HIVEP3: variants seen among roughly 807,000 people sequenced by gnomAD.
HIVEP3 encodes HIVEP zinc finger 3.
In HIVEP3, 49 loss-of-function variants were observed where a neutral mutation model predicts 152.8. The observed-to-expected ratio is 0.32, with a 90% CI of 0.26 to 0.41. The LOEUF is 0.41. Ranked by LOEUF, HIVEP3 falls within the 10% of genes least tolerant of loss-of-function variation. The pLI is 1.00. For missense variants in HIVEP3, 2,790 were observed against 3,103.3 expected (o/e 0.90, Z 2.40); for synonymous variants, 1,269 against 1,289.0 (o/e 0.98, Z 0.33).
At chr1:41,841,082 CTG>C (rs1244929170) in intron 1 of HIVEP3, among the ~76,000 whole-genome samples, 1 of 152,172 alleles carries the variant, frequency 6.6e-6, no homozygotes, top group African/African-American at 2.4e-5. Context: ...CAGTTAATGA[CTG>C]TAGCCTGGAG....
chr1:41,774,163 G>A (rs1259260333), intron 1 of HIVEP3, among the ~76,000 whole-genome samples: 1 of 152,222 alleles, frequency 6.6e-6, no homozygotes, highest in Non-Finnish European at 1.5e-5. Flanking sequence ...TCCTGCACCT[G>A]CCTCTGCAAC....
At position 41,513,098 on chromosome 1, in the gene HIVEP3, C is replaced by T. The variant is rs761114987; in HGVS notation, c.6123G>A (p.Leu2041=). 2.5e-6 allele frequency: 4 copies of T among 1,613,892 alleles called. No homozygotes were observed. In the Admixed American group the frequency reaches 6.7e-5, roughly 27 times the overall value. The change falls in exon 8 of 9, where the codon CTG becomes CTA. Residue 2041 remains leucine (L), a synonymous_variant. Transcript: ENST00000372583. ...GTGCTCGAGGGGCCAGTTCTCTTCC[C>T]AGGGGGCAGAGGGTGAGAGGAGACA... ...LQLSPLTLCP[L]GRELAPRAHV...
chr1:41,562,950 C>T (rs1347491211), intron 5 of HIVEP3, among the ~76,000 whole-genome samples: 1 of 152,034 alleles, frequency 6.6e-6, no homozygotes, highest in African/African-American at 2.4e-5. Flanking sequence ...CTCCCCCCAC[C>T]CACCCCAGAG....
chr1:41,675,275 G>A (rs1050744754), intron 2 of HIVEP3, among the ~76,000 whole-genome samples: 2 of 152,140 alleles, frequency 1.3e-5, no homozygotes, highest in South Asian at 2.1e-4. Context: ...CACCTGGGGC[G>A]TAGGGTCTTC....
chr1:41,515,272 C>T (rs889242794), intron 7 of HIVEP3, among the ~76,000 whole-genome samples: 2 of 152,258 alleles, frequency 1.3e-5, no homozygotes, highest in South Asian at 2.1e-4. Context: ...ACTTCCAAGT[C>T]ACTCAATATG....
rs373852677 is a variant in HIVEP3, at chr1:41,604,336, A to G, written c.-521-19018T>C. 6.6e-5 allele frequency among the ~76,000 whole-genome samples: 10 copies of G among 152,392 alleles called. No individual in the cohort carries two copies. In the East Asian group the frequency reaches 1.3e-3, roughly 21 times the overall value. On this transcript the variant is annotated intron_variant, in intron 3 of 8. Transcript: ENST00000372583. ...TGGTATATTCATATAACAATTATAC[A>G]TAGTAATAAAAAAGAACAAAGTACT... is the stretch of plus-strand genomic sequence containing the variant.
intron 1 of HIVEP3, among the ~76,000 whole-genome samples, chr1:41,960,047 T>C (rs1291323843): frequency 6.6e-6 from 1 of 152,138 alleles, no homozygotes; most frequent in East Asian, 1.9e-4. Flanking sequence ...TAACCAGTTT[T>C]AACTCATAAA....
chr1:41,517,089 C>T (rs1456887760), intron 7 of HIVEP3, among the ~76,000 whole-genome samples: 5 of 152,216 alleles, frequency 3.3e-5, no homozygotes, highest in Admixed American at 3.3e-4. Context: ...GCATGGATTT[C>T]GTCCTCCGAA....
chr1:41,951,795 A>G (rs2124491816), intron 1 of HIVEP3, among the ~76,000 whole-genome samples: 1 of 152,246 alleles, frequency 6.6e-6, no homozygotes. Context: ...CTACCATGAG[A>G]AAAGCATGGG....
intron 1 of HIVEP3, among the ~76,000 whole-genome samples, chr1:42,006,661 C>T (rs972248979): frequency 2.6e-5 from 4 of 151,546 alleles, no homozygotes; most frequent in African/African-American, 9.7e-5. Flanking sequence ...CAACTGGATC[C>T]TAAAATCTGC....
chr1:41,632,401 G>C (rs930599832), intron 2 of HIVEP3, among the ~76,000 whole-genome samples: 33 of 152,108 alleles, frequency 2.2e-4, no homozygotes, highest in African/African-American at 8.0e-4. Context: ...ATGTGTAAGA[G>C]AGAGAAAAAA....
At chr1:41,629,446 C>T (rs72669078) in intron 2 of HIVEP3, among the ~76,000 whole-genome samples, 3,685 of 152,228 alleles carry the variant, frequency 0.024, 63 homozygotes, top group African/African-American at 0.045. Flanking sequence ...AACTAAAGAG[C>T]GTCTGCACAG....
chr1:41,866,089 G>A (rs2209737), intron 1 of HIVEP3, among the ~76,000 whole-genome samples: 145,617 of 152,352 alleles, frequency 0.96, 69,824 homozygotes, highest in Middle Eastern at 1. Context: ...GCCGAGGCCA[G>A]CTTCCTCACA....
At chr1:41,841,918 C>T (rs1354333072) in intron 1 of HIVEP3, among the ~76,000 whole-genome samples, 2 of 151,914 alleles carry the variant, frequency 1.3e-5, no homozygotes, top group African/African-American at 4.8e-5. Context: ...GGTGAAATCC[C>T]CCCATCTCTA....
At chr1:41,639,709 C>T (rs1336086576) in intron 2 of HIVEP3, among the ~76,000 whole-genome samples, 2 of 152,166 alleles carry the variant, frequency 1.3e-5, no homozygotes, top group Admixed American at 6.5e-5. Context: ...TTTGTTTCAG[C>T]GGAGTGCGCT....
intron 3 of HIVEP3, among the ~76,000 whole-genome samples, chr1:41,595,714 CATCTA>C (rs1442565600): frequency 6.6e-6 from 1 of 152,102 alleles, no homozygotes; most frequent in African/African-American, 2.4e-5. Context: ...GGGTGGGCAC[CATCTA>C]ATCAGCTGCC....
intron 1 of HIVEP3, among the ~76,000 whole-genome samples, chr1:41,773,369 ACAGGGATGGCGTT>A (rs1389026377): frequency 6.6e-6 from 1 of 152,210 alleles, no homozygotes; most frequent in African/African-American, 2.4e-5. Context: ...AAAACATCAC[ACAGGGATGGCGTT>A]CAGTAGGGAT....
chr1:41,752,695 A>G (rs945256015), intron 1 of HIVEP3, among the ~76,000 whole-genome samples: 36 of 152,364 alleles, frequency 2.4e-4, no homozygotes, highest in African/African-American at 7.7e-4. Flanking sequence ...GAACAAGCCC[A>G]GGCCCTCCAG....
chr1:41,934,095 C>T (rs916574604), intron 1 of HIVEP3, among the ~76,000 whole-genome samples: 17 of 152,166 alleles, frequency 1.1e-4, no homozygotes, highest in South Asian at 6.2e-4. Context: ...AATTTCTCAC[C>T]CCTCTCACAG....
Sources: gnomAD v4.1 joint callset for allele counts (sites outside exome capture counted in the v4.1 genomes callset) on GRCh38, gnomAD v4.1.1 for gene constraint, MANE v1.5 for transcripts, NCBI Gene and HGNC (gene_info 2026-07-23, HGNC 2026-07-21) for gene names.